Variants in CKAP5 observed in about 807,000 individuals in gnomAD.
The protein encoded by CKAP5 is cytoskeleton associated protein 5.
A neutral mutation model predicts 232.8 loss-of-function variants in CKAP5; 27 were observed. The observed-to-expected ratio is 0.12, with a 90% CI of 0.09 to 0.16. The LOEUF is 0.16. Ranked by LOEUF, CKAP5 falls within the 10% of genes least tolerant of loss-of-function variation. The pLI, the probability that CKAP5 is intolerant of heterozygous loss-of-function variation, is 1.00. For synonymous variants in CKAP5, 785 were observed against 841.1 expected (o/e 0.93, Z 1.16); for missense variants, 1,838 against 2,424.7 (o/e 0.76, Z 5.08).
rs2065063610 is a variant in CKAP5 at position 46,751,401 on chromosome 11, G to A, written c.5267C>T (p.Pro1756Leu). The A allele has an allele frequency of 2.5e-6, 4 of 1,614,042 alleles. No homozygotes were observed. Among genetic ancestry groups the A allele is most frequent in the Non-Finnish European group, 3.4e-6 (4 of 1,179,994 alleles). The change falls in exon 39 of 44, where the codon CCC (proline) becomes CTC (leucine). Residue 1756 changes from proline to leucine, a missense_variant. By Grantham distance (98) the Pro-to-Leu change is moderately conservative. Around this residue, in one of 6 missense-constraint regions of CKAP5, gnomAD observed 579 missense variants for 843.2 expected, o/e 0.69. Transcript: ENST00000529230. ...TAGCAGGGTCTTTAGGGTCCTTATG[G>A]GAAATTCACTTTTGCATTGCTTCAG... is the stretch of plus-strand genomic sequence containing the variant. ...EKLKQCKSEFPIRTLKTLLHT... is the reference protein window; with the variant it reads ...EKLKQCKSEFLIRTLKTLLHT...
At chr11:46,803,868 T>G (rs1210308305) in intron 8 of CKAP5, among the ~76,000 whole-genome samples, 1 of 152,214 alleles carries the variant, frequency 6.6e-6, no homozygotes, top group Admixed American at 6.5e-5. Context: ...CTGATTATTT[T>G]TCCTTATCAA....
intron 4 of CKAP5, among the ~76,000 whole-genome samples, chr11:46,811,778 A>T (rs1939279991): frequency 6.6e-6 from 1 of 152,218 alleles, no homozygotes; most frequent in South Asian, 2.1e-4. Flanking sequence ...ACCCAGCCTA[A>T]TACCACAAAT....
chr11:46,762,891 T>TA, intron 30 of CKAP5, 85 bp downstream of exon 30: 2 of 1,456,818 alleles, frequency 1.4e-6, no homozygotes, highest in South Asian at 1.2e-5. Context: ...ATATAATCAG[T>TA]AAAAAAGGGA....
intron 38 of CKAP5, among the ~76,000 whole-genome samples, chr11:46,752,260 TAAGA>T (rs2065074952): frequency 7.4e-6 from 1 of 135,652 alleles, no homozygotes; most frequent in Admixed American, 7.6e-5. Flanking sequence ...TATAACATAT[TAAGA>T]TATACATATA....
intron 39 of CKAP5, 45 bp downstream of exon 39, chr11:46,751,301 T>C (rs377283816): frequency 6.2e-7 from 1 of 1,614,016 alleles, no homozygotes; most frequent in African/African-American, 1.3e-5. Context: ...ATTTCCATGA[T>C]TTTCTCTCAA....
At chr11:46,801,601 C>T (rs752286342) in intron 8 of CKAP5, among the ~76,000 whole-genome samples, 26 of 151,588 alleles carry the variant, frequency 1.7e-4, no homozygotes, top group Non-Finnish European at 2.5e-4. Flanking sequence ...ACCTGGGAGG[C>T]GGAGGCTGCA....
In CKAP5 at chr11:46,778,497, T is replaced by C. The variant is rs778491821; in HGVS notation, c.2536A>G (p.Asn846Asp). The change falls in exon 21 of 44, where the codon AAT (asparagine) becomes GAT (aspartate). Residue 846 changes from asparagine (N) to aspartate (D), a missense_variant. Around this residue, in one of 6 missense-constraint regions of CKAP5, gnomAD observed 767 missense variants for 954.6 expected, o/e 0.80. Transcript: ENST00000529230. ...EDGDEPDDGS[N>D]DVVDLLPRTE... ...CTCGGCAAAAGATCAACGACATCAT[T>C]GCTCCCGTCATCTGGTTCATCTCCA... 1.2e-5 allele frequency: 19 copies of C among 1,614,040 alleles called. No homozygotes were observed. In the East Asian group the frequency reaches 4.2e-4, roughly 36 times the overall value.
chr11:46,809,307 G>T, intron 7 of CKAP5, 93 bp downstream of exon 7: 2 of 765,262 alleles, frequency 2.6e-6, no homozygotes, highest in South Asian at 1.8e-5. Flanking sequence ...GATGGAAGGG[G>T]GTGCATCAGG....
At chr11:46,820,285 A>G (rs1289238555) in intron 2 of CKAP5, among the ~76,000 whole-genome samples, 2 of 152,160 alleles carry the variant, frequency 1.3e-5, no homozygotes, top group African/African-American at 4.8e-5. Context: ...GAAGAGCTAC[A>G]TGTTGATTTT....
chr11:46,837,147 C>T (rs1245813874), intron 1 of CKAP5, among the ~76,000 whole-genome samples: 1 of 152,106 alleles, frequency 6.6e-6, no homozygotes, highest in Non-Finnish European at 1.5e-5. Flanking sequence ...AATTCTGATA[C>T]TGCTATCCAT....
chr11:46,768,623 C>A (rs919844818), intron 26 of CKAP5, among the ~76,000 whole-genome samples: 1 of 151,208 alleles, frequency 6.6e-6, no homozygotes, highest in Non-Finnish European at 1.5e-5. Context: ...TCTGGCTCAC[C>A]CAGGCTGGAG....
At position 46,829,838 on chromosome 11, in the gene CKAP5, A is replaced by ATGTGTGTGTGTG. The variant is rs57602333; in HGVS notation, c.-37-8582_-37-8571dup. On this transcript the variant is annotated intron_variant, in intron 1 of 43. Coordinates refer to ENST00000529230, the MANE Select transcript of CKAP5 (RefSeq NM_001008938.4). ...ATATGAAGTCTAATTCCTTTTTTGT[A>ATGTGTGTGTGTG]TGTGTGTGTGTGTGTGTGTGTGTGT... 2.8e-5 allele frequency among the ~76,000 whole-genome samples: 4 copies of ATGTGTGTGTGTG among 143,130 alleles called. No individual in the cohort carries two copies. In the South Asian group the frequency reaches 6.8e-4, roughly 24 times the overall value. 93.9% of individuals were successfully genotyped at this position (143,130 alleles called of 152,430 possible). A position where few individuals can be genotyped will look rare whatever the true frequency, so the allele number is the denominator to read the frequency against.
intron 13 of CKAP5, among the ~76,000 whole-genome samples, chr11:46,791,963 T>C (rs1938738330): frequency 6.6e-6 from 1 of 152,226 alleles, no homozygotes; most frequent in African/African-American, 2.4e-5. Flanking sequence ...TATATTCCAA[T>C]ATTGTAAGTT....
Position 46,790,533 on chromosome 11 carries a change from C to A in CKAP5, c.1701G>T (p.Gly567=). The A allele has an allele frequency of 6.2e-7, 1 of 1,614,098 alleles. No individual in the cohort carries two copies. Among genetic ancestry groups the A allele is most frequent in the Non-Finnish European group, 8.5e-7 (1 of 1,179,992 alleles). Residue 567 remains glycine (G), a synonymous_variant, in exon 14 of 44, where the codon GGG becomes GGT. Coordinates refer to ENST00000529230, the MANE Select transcript of CKAP5 (RefSeq NM_001008938.4). ...CTTTCTTGTTCTTGGTTCCAGTATTCCCTGCGCCTCCTGGTGCAGCTGGTT... is the reference window on the plus strand; with the variant it reads ...CTTTCTTGTTCTTGGTTCCAGTATTACCTGCGCCTCCTGGTGCAGCTGGTT... ...KGKPAAPGGA[G]NTGTKNKKGL... is the part of the protein sequence containing the mutation.
chr11:46,796,933 T>C lies in CKAP5; in HGVS notation c.1346A>G (p.Asn449Ser), dbSNP rs749595691. Residue 449 changes from asparagine (N) to serine (S), a missense_variant, in exon 12 of 44, where the codon AAT (asparagine) becomes AGT (serine). By Grantham distance (46) the Asn-to-Ser change is conservative. This residue lies in a region of CKAP5 where 767 missense variants were observed against 954.6 expected (regional missense o/e 0.80). Transcript: ENST00000529230. ...ATCTCTGACTTCAGGAGCAGAATCATTGATGTGCTATAGTCCAGAAGTAAG... is the reference window on the plus strand; with the variant it reads ...ATCTCTGACTTCAGGAGCAGAATCACTGATGTGCTATAGTCCAGAAGTAAG... ...PFCAALLKHI[N>S]DSAPEVRDAA... 17 of 1,613,832 alleles carry C rather than the reference T, an allele frequency of 1.1e-5. No individual in the cohort carries two copies. The highest frequency in any genetic ancestry group is 1.6e-4 in the Middle Eastern group (1 of 6,080).
intron 13 of CKAP5, among the ~76,000 whole-genome samples, chr11:46,793,024 T>C (rs1938778339): frequency 6.6e-6 from 1 of 152,216 alleles, no homozygotes; most frequent in Non-Finnish European, 1.5e-5. Context: ...CGGTTTCTAC[T>C]ATACGCCAGA....
intron 18 of CKAP5, among the ~76,000 whole-genome samples, chr11:46,780,794 G>A (rs2065335490): frequency 6.6e-6 from 1 of 151,804 alleles, no homozygotes; most frequent in Non-Finnish European, 1.5e-5. Context: ...TTTTTTGTTT[G>A]TTTGTTTTTA....
Position 46,790,454 on chromosome 11 carries a change from G to A in CKAP5, c.1764+16C>T. 6.4e-7 allele frequency: 1 copy of A among 1,557,090 alleles called. No individual in the cohort carries two copies. The highest frequency in any genetic ancestry group is 8.8e-7 in the Non-Finnish European group (1 of 1,132,876). ...GCAGGGTTCATGATTTTCAGGCTCA[G>A]TGTGTTAATACTGACCGAGAGCTCA... On this transcript the variant is annotated intron_variant, in intron 14 of 43. Transcript: ENST00000529230.
chr11:46,818,696 C>T lies in CKAP5; in HGVS notation c.58-193G>A, dbSNP rs1181747189. 2.6e-5 allele frequency among the ~76,000 whole-genome samples: 4 copies of T among 151,992 alleles called. No homozygotes were observed. The East Asian group carries it at 7.7e-4, about 29-fold the overall frequency. ...TTTTCAAAAAAGATTAGCTAATAAA[C>T]TTCTTACAAGTGTTTAGTGTTTATG... On this transcript the variant is annotated intron_variant, in intron 2 of 43. Coordinates refer to ENST00000529230, the MANE Select transcript of CKAP5 (RefSeq NM_001008938.4).
Sources: gnomAD v4.1 joint callset for allele counts (sites outside exome capture counted in the v4.1 genomes callset) on GRCh38, gnomAD v4.1.1 for gene constraint, gnomAD v4.1.1 regional missense constraint, MANE v1.5 for transcripts, NCBI Gene and HGNC (gene_info 2026-07-23, HGNC 2026-07-21) for gene names.